COL24A1: variants seen among roughly 807,000 people sequenced by gnomAD.
COL24A1 encodes collagen alpha-1(XXIV) chain.
COL24A1 carries 224 observed loss-of-function variants against 253.9 expected under a neutral mutation model. The observed-to-expected ratio is 0.88, with a 90% CI of 0.79 to 0.99. The LOEUF is 0.99. COL24A1 is among the 50% of genes least tolerant of loss of function. The pLI, the probability that COL24A1 is intolerant of heterozygous loss-of-function variation, is 0.00. For missense variants in COL24A1, 2,131 were observed against 2,068.5 expected, an observed-to-expected ratio of 1.03 and a Z score of -0.59; for synonymous variants, 685 against 673.7, an observed-to-expected ratio of 1.02 and a Z score of -0.26.
chr1:85,833,196 G>A (rs561618772), intron 43 of COL24A1, among the ~76,000 whole-genome samples: 1 of 152,184 alleles, frequency 6.6e-6, no homozygotes, highest in Admixed American at 6.5e-5. Flanking sequence ...TACAAAATGG[G>A]AGAAAATTTT....
intron 27 of COL24A1, among the ~76,000 whole-genome samples, chr1:85,907,809 G>T (rs1250805340): frequency 1.3e-5 from 2 of 151,600 alleles, no homozygotes; most frequent in African/African-American, 4.8e-5. Context: ...CTTTAATTAA[G>T]ACTCAACTGG....
At chr1:86,141,622 T>G (rs1322647480) in intron 2 of COL24A1, among the ~76,000 whole-genome samples, 1 of 152,192 alleles carries the variant, frequency 6.6e-6, no homozygotes, top group African/African-American at 2.4e-5. Flanking sequence ...AGGTTTCTAC[T>G]TAATCATCCT....
intron 24 of COL24A1, among the ~76,000 whole-genome samples, chr1:85,924,393 C>G (rs997306608): frequency 1.1e-4 from 16 of 152,278 alleles, no homozygotes; most frequent in African/African-American, 3.8e-4. Flanking sequence ...ACCAATATCC[C>G]TGATGAACAT....
chr1:85,836,375 T>A (rs1289545704), intron 43 of COL24A1, among the ~76,000 whole-genome samples: 2 of 152,240 alleles, frequency 1.3e-5, no homozygotes, highest in Non-Finnish European at 2.9e-5. Flanking sequence ...TTAAAATGGT[T>A]AAAATGGTAA....
In COL24A1 at chr1:85,954,478, T is replaced by C. The variant is rs552305457; in HGVS notation, c.2562+6771A>G. Among the ~76,000 whole-genome samples the C allele has an allele frequency of 2.6e-5, 4 of 152,348 alleles. No individual in the cohort carries two copies. The South Asian group carries it at 8.3e-4, about 32-fold the overall frequency. Reference sequence around the variant, plus strand: ...GCTCTGCTGCTATATGACCTGACTTTGGACAAGTTTCTTGACTTCTCTGAA... The same window carrying C: ...GCTCTGCTGCTATATGACCTGACTTCGGACAAGTTTCTTGACTTCTCTGAA... On this transcript the variant is annotated intron_variant, in intron 24 of 59. Coordinates refer to ENST00000370571, the MANE Select transcript of COL24A1 (RefSeq NM_152890.7).
intron 24 of COL24A1, among the ~76,000 whole-genome samples, chr1:85,914,314 G>A (rs568604848): frequency 6.6e-6 from 1 of 150,564 alleles, no homozygotes; most frequent in South Asian, 2.1e-4. Context: ...ATGTGTGTGT[G>A]TGTGTGTGTG....
intron 31 of COL24A1, among the ~76,000 whole-genome samples, chr1:85,893,694 C>T (rs1176807982): frequency 6.6e-6 from 1 of 152,136 alleles, no homozygotes; most frequent in Non-Finnish European, 1.5e-5. Context: ...ATTACCAGAG[C>T]ACTATATGTT....
chr1:85,899,544 ATAGAGAGT>A (rs1684074648), intron 28 of COL24A1, among the ~76,000 whole-genome samples: 1 of 152,208 alleles, frequency 6.6e-6, no homozygotes, highest in Non-Finnish European at 1.5e-5. Flanking sequence ...AAGGCTAGTG[ATAGAGAGT>A]TAGAAAGTTA....
chr1:85,755,969 C>T lies in COL24A1; in HGVS notation c.4437+5427G>A, dbSNP rs118135729. Among the ~76,000 whole-genome samples, 295 of 136,646 alleles carry T rather than the reference C, an allele frequency of 2.2e-3. 9 individuals carry two copies. The East Asian group carries it at 0.06, about 28-fold the overall frequency. 89.6% of individuals were successfully genotyped at this position (136,646 alleles called of 152,430 possible). ...TAAAGAGAGTGAAAAGGCAACCCAA[C>T]GGATGGAAAAAAATAACTGCAAATT... is the stretch of plus-strand genomic sequence containing the variant. On this transcript the variant is annotated intron_variant, in intron 55 of 59. Coordinates refer to ENST00000370571, the MANE Select transcript of COL24A1 (RefSeq NM_152890.7).
At chr1:86,154,338 C>A (rs920190035) in intron 1 of COL24A1, 1 of 152,284 alleles carries the variant, frequency 6.6e-6, no homozygotes, top group African/African-American at 2.4e-5. Flanking sequence ...ACCCTTAATT[C>A]TCTGCAGCCC....
chr1:85,847,022 T>C (rs1025783939), intron 39 of COL24A1, among the ~76,000 whole-genome samples: 1 of 152,262 alleles, frequency 6.6e-6, no homozygotes, highest in East Asian at 1.9e-4. Context: ...AAAAAGCCTA[T>C]GAAACAGAAG....
intron 59 of COL24A1, 32 bp downstream of exon 59, chr1:85,734,717 A>G: frequency 6.4e-7 from 1 of 1,566,264 alleles, no homozygotes; most frequent in Non-Finnish European, 8.8e-7. Flanking sequence ...AGTTAGTTAT[A>G]TTGAACAATT....
At chr1:86,008,992 C>T (rs760515149) in intron 19 of COL24A1, among the ~76,000 whole-genome samples, 6 of 151,730 alleles carry the variant, frequency 4.0e-5, no homozygotes, top group Non-Finnish European at 8.8e-5. Flanking sequence ...TGAAAGACAA[C>T]CGTTGTTGTT....
chr1:85,827,698 T>C (rs575199157), intron 43 of COL24A1, among the ~76,000 whole-genome samples: 1 of 144,212 alleles, frequency 6.9e-6, no homozygotes, highest in South Asian at 2.2e-4. Flanking sequence ...CTAGATTTTC[T>C]AGTTTATTTG....
At chr1:86,090,365 A>G (rs1703405243) in intron 6 of COL24A1, among the ~76,000 whole-genome samples, 1 of 152,092 alleles carries the variant, frequency 6.6e-6, no homozygotes, top group Non-Finnish European at 1.5e-5. Context: ...GAAAGGAAAA[A>G]CTTACACCAT....
chr1:86,008,113 C>T (rs903951446), intron 19 of COL24A1, among the ~76,000 whole-genome samples: 1 of 152,124 alleles, frequency 6.6e-6, no homozygotes, highest in African/African-American at 2.4e-5. Context: ...ATATACCATA[C>T]ACATAGATCC....
chr1:86,057,994 A>G lies in COL24A1; in HGVS notation c.1807-19T>C. ...CTAAACCCTGGTGTAAACAAAAGAC[A>G]TTGTCATCATACTACAGTACTTTTT... On this transcript the variant is annotated intron_variant, in intron 9 of 59. Transcript: ENST00000370571. The G allele has an allele frequency of 6.2e-7, 1 of 1,607,578 alleles. No homozygotes were observed.
At chr1:85,784,782 G>C (rs1469128532) in intron 48 of COL24A1, among the ~76,000 whole-genome samples, 2 of 151,942 alleles carry the variant, frequency 1.3e-5, no homozygotes, top group African/African-American at 2.4e-5. Context: ...CCAGGCTGTA[G>C]TGCAGTGATG....
intron 37 of COL24A1, among the ~76,000 whole-genome samples, chr1:85,865,667 T>C (rs912835174): frequency 6.6e-6 from 1 of 152,252 alleles, no homozygotes; most frequent in African/African-American, 2.4e-5. Context: ...TTTTTCCCTC[T>C]CTACAAACTC....
Sources: gnomAD v4.1 joint callset for allele counts (sites outside exome capture counted in the v4.1 genomes callset) on GRCh38, gnomAD v4.1.1 for gene constraint, MANE v1.5 for transcripts, NCBI Gene and HGNC (gene_info 2026-07-23, HGNC 2026-07-21) for gene names.